The following TTC29 variants were observed in gnomAD, a reference collection of about 807,000 sequenced individuals.
TTC29 encodes the protein tetratricopeptide repeat protein 29.
Under a neutral mutation model 58.1 loss-of-function variants are expected in TTC29, and 49 were observed. The ratio of observed to expected loss-of-function variants is 0.84; its 90% CI spans 0.67 to 1.07. The LOEUF (loss-of-function observed/expected upper bound fraction) is 1.07, where lower values mean the gene tolerates loss of function less well. TTC29 is among the 50% of genes least tolerant of loss of function. TTC29 has a pLI of 0.00. For synonymous variants in TTC29, 209 were observed against 196.8 expected, an observed-to-expected ratio of 1.06 and a Z score of -0.52; for missense variants, 582 against 555.6, an observed-to-expected ratio of 1.05 and a Z score of -0.48.
At chr4:146,862,799 A>G (rs1174795881) in intron 8 of TTC29, among the ~76,000 whole-genome samples, 1 of 152,098 alleles carries the variant, frequency 6.6e-6, no homozygotes, top group Non-Finnish European at 1.5e-5. Flanking sequence ...CGAAGCCTCT[A>G]CTCTGGCTGG....
intron 11 of TTC29, among the ~76,000 whole-genome samples, chr4:146,713,662 C>T (rs1023464812): frequency 6.6e-6 from 1 of 151,986 alleles, no homozygotes; most frequent in African/African-American, 2.4e-5. Flanking sequence ...TATATCAATT[C>T]CCTTGCCAAG....
At chr4:146,812,319 T>A (rs1254722594) in intron 10 of TTC29, among the ~76,000 whole-genome samples, 2 of 152,210 alleles carry the variant, frequency 1.3e-5, no homozygotes, top group Non-Finnish European at 2.9e-5. Flanking sequence ...GTGAGAGTCT[T>A]AATTAGGAAA....
chr4:146,810,084 TA>T (rs1303639492), intron 10 of TTC29, among the ~76,000 whole-genome samples: 2 of 152,156 alleles, frequency 1.3e-5, no homozygotes, highest in African/African-American at 2.4e-5. Context: ...TATGCAGCTA[TA>T]AAAAAGGATG....
chr4:146,849,875 C>T (rs1254962987), intron 8 of TTC29, among the ~76,000 whole-genome samples: 2 of 152,146 alleles, frequency 1.3e-5, no homozygotes, highest in African/African-American at 4.8e-5. Flanking sequence ...CACTCTCTCA[C>T]AGGCTTCCAG....
intron 3 of TTC29, among the ~76,000 whole-genome samples, chr4:146,938,414 C>CA (rs1310766481): frequency 1.3e-5 from 2 of 151,976 alleles, no homozygotes; most frequent in African/African-American, 2.4e-5. Context: ...TACAAGAAAA[C>CA]GTTTTCTTTA....
chr4:146,752,113 G>A (rs1249765539), intron 11 of TTC29, among the ~76,000 whole-genome samples: 1 of 151,832 alleles, frequency 6.6e-6, no homozygotes, highest in Non-Finnish European at 1.5e-5. Context: ...ATTAGGAAAA[G>A]AGGAAGTCAA....
chr4:146,893,362 T>G (rs941182715), intron 6 of TTC29, among the ~76,000 whole-genome samples: 1 of 152,086 alleles, frequency 6.6e-6, no homozygotes, highest in African/African-American at 2.4e-5. Context: ...AACAGAGCCC[T>G]CAAAAATAAT....
At chr4:146,745,269 G>A (rs1275494355) in intron 11 of TTC29, among the ~76,000 whole-genome samples, 2 of 152,214 alleles carry the variant, frequency 1.3e-5, no homozygotes, top group African/African-American at 4.8e-5. Flanking sequence ...CTCTGGCAAA[G>A]TGAGAGAAAG....
intron 6 of TTC29, among the ~76,000 whole-genome samples, chr4:146,886,150 G>A (rs904303816): frequency 2.0e-5 from 3 of 151,976 alleles, no homozygotes; most frequent in African/African-American, 4.8e-5. Context: ...CTGCTGTAAT[G>A]TCTGATAATC....
At chr4:146,840,795 A>G (rs1352285741) in intron 8 of TTC29, among the ~76,000 whole-genome samples, 1 of 152,154 alleles carries the variant, frequency 6.6e-6, no homozygotes, top group African/African-American at 2.4e-5. Context: ...TCTTCATGTA[A>G]GAACTCTATC....
intron 9 of TTC29, among the ~76,000 whole-genome samples, chr4:146,824,250 GTTC>G (rs1752034355): frequency 1.3e-5 from 2 of 152,116 alleles, no homozygotes; most frequent in Non-Finnish European, 2.9e-5. Context: ...GTCATAAATA[GTTC>G]TTATTATTTT....
At chr4:146,907,747 G>T (rs368914262) in intron 5 of TTC29, among the ~76,000 whole-genome samples, 1 of 152,070 alleles carries the variant, frequency 6.6e-6, no homozygotes, top group Non-Finnish European at 1.5e-5. Context: ...TGATCCACCC[G>T]CCTTGGCCTC....
At chr4:146,930,012 A>T (rs962999233) in intron 4 of TTC29, among the ~76,000 whole-genome samples, 18 of 145,320 alleles carry the variant, frequency 1.2e-4, no homozygotes, top group African/African-American at 4.7e-4. Context: ...TATACACACA[A>T]ACATGCACAC....
At chr4:146,927,838 C>T (rs1264096431) in intron 4 of TTC29, among the ~76,000 whole-genome samples, 3 of 152,044 alleles carry the variant, frequency 2.0e-5, no homozygotes, top group Non-Finnish European at 4.4e-5. Context: ...AACACATGTG[C>T]AAGGCTATGA....
At chr4:146,916,070 T>C (rs1214035070) in intron 4 of TTC29, among the ~76,000 whole-genome samples, 2 of 152,018 alleles carry the variant, frequency 1.3e-5, no homozygotes, top group African/African-American at 4.8e-5. Context: ...ACGGGATAAT[T>C]ACATTGACTT....
intron 11 of TTC29, among the ~76,000 whole-genome samples, chr4:146,790,741 A>G (rs1174812760): frequency 6.6e-6 from 1 of 152,152 alleles, no homozygotes; most frequent in Non-Finnish European, 1.5e-5. Flanking sequence ...TGCACACTAA[A>G]CTTTGCATCA....
At chr4:146,811,820 T>A (rs1378608047) in intron 10 of TTC29, among the ~76,000 whole-genome samples, 1 of 152,188 alleles carries the variant, frequency 6.6e-6, no homozygotes, top group Non-Finnish European at 1.5e-5. Flanking sequence ...CTGTGATCAT[T>A]TTGTTAGAAA....
At chr4:146,771,491 G>A (rs1747722518) in intron 11 of TTC29, among the ~76,000 whole-genome samples, 1 of 151,896 alleles carries the variant, frequency 6.6e-6, no homozygotes, top group African/African-American at 2.4e-5. Flanking sequence ...GCTCCCACTT[G>A]TTGGCGAGAA....
intron 11 of TTC29, among the ~76,000 whole-genome samples, chr4:146,801,928 G>A (rs552593499): frequency 9.1e-4 from 110 of 121,144 alleles, no homozygotes; most frequent in African/African-American, 3.2e-3. Context: ...GCAGTGAGCC[G>A]AGATCATGCC....
Sources: gnomAD v4.1 joint callset for allele counts (sites outside exome capture counted in the v4.1 genomes callset) on GRCh38, gnomAD v4.1.1 for gene constraint, MANE v1.5 for transcripts, NCBI Gene and HGNC (gene_info 2026-07-23, HGNC 2026-07-21) for gene names.